The following TMEM39B variants were observed in gnomAD, a reference collection of about 807,000 sequenced individuals.
The protein encoded by TMEM39B is transmembrane protein 39B.
TMEM39B carries 23 observed loss-of-function variants against 52.2 expected under a neutral mutation model. The observed-to-expected ratio is 0.44, with a 90% confidence interval of 0.32 to 0.62. The LOEUF is 0.62. TMEM39B is among the 20% of genes least tolerant of loss of function. TMEM39B has a pLI of 0.06. For synonymous variants in TMEM39B, 285 were observed against 264.0 expected (o/e 1.08, Z -0.77); for missense variants, 547 against 642.0 (o/e 0.85, Z 1.60).
At chr1:32,085,273 A>G (rs956695414) in intron 5 of TMEM39B, among the ~76,000 whole-genome samples, 1 of 151,750 alleles carries the variant, frequency 6.6e-6, no homozygotes, top group Non-Finnish European at 1.5e-5. Flanking sequence ...TTTTTCTCCT[A>G]TATTTCTCTA....
chr1:32,100,694 C>G, intron 8 of TMEM39B, 132 bp downstream of exon 8: 1 of 1,239,960 alleles, frequency 8.1e-7, no homozygotes, highest in Non-Finnish European at 1.1e-6. Context: ...ACAGTGCACA[C>G]ATGTAGCACA....
chr1:32,073,221 C>A, intron 1 of TMEM39B, 170 bp downstream of exon 1: 1 of 635,028 alleles, frequency 1.6e-6, no homozygotes, highest in South Asian at 3.5e-5. Flanking sequence ...GGTGGGGCCT[C>A]TGTTGTGGGG....
At chr1:32,102,369 C>T in intron 8 of TMEM39B, 62 bp from the exon 9 acceptor site, 1 of 1,573,756 alleles carries the variant, frequency 6.4e-7, no homozygotes, top group Non-Finnish European at 8.6e-7. Flanking sequence ...ACCCAGAACC[C>T]CCATCCAGGA....
At chr1:32,096,778 G>A (rs1478533868) in intron 7 of TMEM39B, among the ~76,000 whole-genome samples, 3 of 151,072 alleles carry the variant, frequency 2.0e-5, no homozygotes, top group African/African-American at 7.3e-5. Flanking sequence ...TTCTTTTTAA[G>A]GTAAAATTTC....
intron 8 of TMEM39B, among the ~76,000 whole-genome samples, chr1:32,102,121 A>T (rs1464103489): frequency 6.6e-6 from 1 of 152,108 alleles, no homozygotes; most frequent in Non-Finnish European, 1.5e-5. Context: ...AAAGGTGTTG[A>T]CTTTAGACCA....
intron 5 of TMEM39B, among the ~76,000 whole-genome samples, chr1:32,087,324 A>G (rs1459436971): frequency 2.0e-5 from 3 of 147,284 alleles, no homozygotes; most frequent in Non-Finnish European, 4.5e-5. Context: ...TCTCACAAAA[A>G]AAAAAAAAAA....
At chr1:32,100,060 C>G (rs933894400) in intron 7 of TMEM39B, among the ~76,000 whole-genome samples, 1 of 151,712 alleles carries the variant, frequency 6.6e-6, no homozygotes, top group African/African-American at 2.4e-5. Context: ...AAAAAAAAGC[C>G]CACAAAGAGT....
At chr1:32,096,639 T>C (rs1219935181) in intron 7 of TMEM39B, among the ~76,000 whole-genome samples, 1 of 151,704 alleles carries the variant, frequency 6.6e-6, no homozygotes, top group African/African-American at 2.4e-5. Context: ...TTTTACGTTT[T>C]TAGTAGAGAT....
chr1:32,073,993 C>G (rs919322860), intron 1 of TMEM39B: 2 of 683,172 alleles, frequency 2.9e-6, no homozygotes, highest in African/African-American at 3.9e-5. Context: ...AAGCGATCCT[C>G]CCGCCTCGGC....
At chr1:32,091,606 CCTCAGTGGCTG>C (rs1437363878) in intron 5 of TMEM39B, 58 bp from the exon 6 acceptor site, 2 of 1,499,010 alleles carry the variant, frequency 1.3e-6, no homozygotes, top group East Asian at 4.6e-5. Flanking sequence ...AAGAAGATCC[CCTCAGTGGCTG>C]AGAGTTGGGA....
At chr1:32,085,487 TCACGCCAGTAATCCCTGCACTTTGGGA>T (rs1337009648) in intron 5 of TMEM39B, among the ~76,000 whole-genome samples, 1 of 152,180 alleles carries the variant, frequency 6.6e-6, no homozygotes, top group East Asian at 1.9e-4. Flanking sequence ...GCGTGGTGGC[TCACGCCAGTAATCCCTGCACTTTGGGA>T]GGCCAAGGTG....
chr1:32,098,703 C>T (rs1427665861), intron 7 of TMEM39B, among the ~76,000 whole-genome samples: 2 of 152,020 alleles, frequency 1.3e-5, no homozygotes, highest in Non-Finnish European at 2.9e-5. Context: ...AGCGCCACTG[C>T]AGTCTGGCCT....
At chr1:32,078,423 C>T (rs894817244) in intron 5 of TMEM39B, among the ~76,000 whole-genome samples, 25 of 151,814 alleles carry the variant, frequency 1.6e-4, no homozygotes, top group African/African-American at 5.8e-4. Context: ...GTCGAGGCTG[C>T]AGTGAGCCGA....
At chr1:32,079,351 A>T (rs901952622) in intron 5 of TMEM39B, among the ~76,000 whole-genome samples, 1 of 150,982 alleles carries the variant, frequency 6.6e-6, no homozygotes, top group African/African-American at 2.4e-5. Context: ...CACCTAGCTA[A>T]TTTTTTGTAT....
intron 5 of TMEM39B, among the ~76,000 whole-genome samples, chr1:32,091,207 A>G (rs1481045316): frequency 6.6e-6 from 1 of 151,884 alleles, no homozygotes; most frequent in Non-Finnish European, 1.5e-5. Flanking sequence ...TTCCTTACTA[A>G]TGTGTAAGCT....
At chr1:32,083,665 G>A (rs911795309) in intron 5 of TMEM39B, among the ~76,000 whole-genome samples, 1 of 149,658 alleles carries the variant, frequency 6.7e-6, no homozygotes, top group Non-Finnish European at 1.5e-5. Context: ...CTCGTGATCC[G>A]TCCATCTCAG....
At chr1:32,079,545 C>T (rs1014045963) in intron 5 of TMEM39B, among the ~76,000 whole-genome samples, 3 of 151,900 alleles carry the variant, frequency 2.0e-5, no homozygotes, top group Non-Finnish European at 2.9e-5. Flanking sequence ...TGTGGTCCCC[C>T]ACTCCCAGGA....
chr1:32,075,958 A>G lies in TMEM39B; in HGVS notation c.351+136A>G, dbSNP rs1044017261. Reference sequence around the variant, plus strand: ...GCACTTGGCTCCATGCTGAACATGGAAGGTGCTGAAGGAACAGGAAACTGA... The same window carrying G: ...GCACTTGGCTCCATGCTGAACATGGGAGGTGCTGAAGGAACAGGAAACTGA... On this transcript the variant is annotated intron_variant, in intron 3 of 8. Transcript: ENST00000336294. 5.0e-6 allele frequency: 3 copies of G among 597,884 alleles called. No individual in the cohort carries two copies. The African/African-American group carries it at 5.6e-5, about 11-fold the overall frequency. The allele number at this position is 597,884 out of a possible 1,614,324, so 37.0% of individuals were successfully genotyped here.
intron 5 of TMEM39B, among the ~76,000 whole-genome samples, chr1:32,078,180 T>A (rs1639945181): frequency 6.6e-6 from 1 of 152,164 alleles, no homozygotes. Context: ...TATATCTACT[T>A]TTTAATTATA....
Sources: gnomAD v4.1 joint callset for allele counts (sites outside exome capture counted in the v4.1 genomes callset) on GRCh38, gnomAD v4.1.1 for gene constraint, MANE v1.5 for transcripts, NCBI Gene and HGNC (gene_info 2026-07-23, HGNC 2026-07-21) for gene names.